TRPM3: variants seen among roughly 807,000 people sequenced by gnomAD.
The protein encoded by TRPM3 is long transient receptor potential channel 3.
In TRPM3, 77 loss-of-function variants were observed where a neutral mutation model predicts 181.2. That is an observed-to-expected ratio of 0.42 (90% CI 0.35 to 0.51). TRPM3 has a LOEUF of 0.51. TRPM3 is among the 20% of genes least tolerant of loss of function. The pLI is 0.01. For synonymous variants in TRPM3, 745 were observed against 796.4 expected, an observed-to-expected ratio of 0.94 and a Z score of 1.09; for missense variants, 1,759 against 2,196.7, an observed-to-expected ratio of 0.80 and a Z score of 3.98.
chr9:70,618,485 A>AGGAG (rs1422071046), intron 17 of TRPM3, among the ~76,000 whole-genome samples: 57 of 152,334 alleles, frequency 3.7e-4, no homozygotes, highest in African/African-American at 1.3e-3. Flanking sequence ...CATGATGCCA[A>AGGAG]GGAGGGCCAG....
chr9:71,202,211 C>T (rs545359730), intron 1 of TRPM3, among the ~76,000 whole-genome samples: 7 of 152,234 alleles, frequency 4.6e-5, no homozygotes, highest in Non-Finnish European at 1.0e-4. Context: ...GAGGAGTACC[C>T]GGCCATGTGA....
Position 70,536,108 on chromosome 9 carries a change from T to A in TRPM3, c.5005A>T (p.Ser1669Cys), listed in dbSNP as rs768982135. The A allele has an allele frequency of 6.2e-7, 1 of 1,614,230 alleles. No homozygotes were observed. The highest frequency in any genetic ancestry group is 8.5e-7 in the Non-Finnish European group (1 of 1,180,032). Residue 1669 changes from serine (S) to cysteine (C), a missense_variant, in exon 26 of 26, where the codon AGT becomes TGT. Physicochemically the swap from Ser to Cys is moderately radical, Grantham distance 112. Transcript: ENST00000677713. ...YAHTRKSFSI[S>C]DKLDRQRNTA... ...TTCCGCTGCCTGTCGAGTTTGTCAC[T>A]GATGGAGAAGCTCTTCCTGGTGTGT...
At chr9:70,544,595 T>C (rs1441768287) in intron 25 of TRPM3, among the ~76,000 whole-genome samples, 1 of 152,086 alleles carries the variant, frequency 6.6e-6, no homozygotes. Flanking sequence ...ACCTGATCTG[T>C]GCTTGTGAGC....
At chr9:70,628,873 C>G (rs951852690) in intron 12 of TRPM3, among the ~76,000 whole-genome samples, 1 of 147,220 alleles carries the variant, frequency 6.8e-6, no homozygotes, top group Non-Finnish European at 1.5e-5. Context: ...AGCCTAACAC[C>G]TATGTATTTT....
intron 7 of TRPM3, among the ~76,000 whole-genome samples, chr9:70,765,231 G>A (rs1196662075): frequency 2.0e-5 from 3 of 152,150 alleles, no homozygotes; most frequent in East Asian, 3.9e-4. Flanking sequence ...TTCCTAATCC[G>A]TATCAGGGAT....
chr9:71,437,285 A>G (rs544763815), intron 1 of TRPM3, among the ~76,000 whole-genome samples: 53 of 152,374 alleles, frequency 3.5e-4, no homozygotes, highest in African/African-American at 1.2e-3. Flanking sequence ...TGCAATGCCC[A>G]AATAAAATAA....
intron 1 of TRPM3, among the ~76,000 whole-genome samples, chr9:71,058,754 T>C (rs750005430): frequency 2.0e-5 from 3 of 152,036 alleles, no homozygotes; most frequent in Non-Finnish European, 2.9e-5. Flanking sequence ...TAACATGCTA[T>C]GTAAATAAGC....
At chr9:70,607,097 A>G (rs1385791637) in intron 19 of TRPM3, among the ~76,000 whole-genome samples, 5 of 152,202 alleles carry the variant, frequency 3.3e-5, no homozygotes, top group African/African-American at 1.2e-4. Context: ...AGCAGGGTCT[A>G]GGAGCCAGTT....
At chr9:70,867,055 A>C (rs1346618879) in intron 1 of TRPM3, among the ~76,000 whole-genome samples, 1 of 152,050 alleles carries the variant, frequency 6.6e-6, no homozygotes, top group Non-Finnish European at 1.5e-5. Context: ...GCATTTGGAC[A>C]GAGCTGGCTC....
chr9:71,155,689 T>C (rs1014955907), intron 1 of TRPM3, among the ~76,000 whole-genome samples: 2 of 151,948 alleles, frequency 1.3e-5, no homozygotes, highest in African/African-American at 4.8e-5. Flanking sequence ...TACATACATC[T>C]ACAAGATAGA....
intron 7 of TRPM3, among the ~76,000 whole-genome samples, chr9:70,781,708 G>A (rs562360703): frequency 6.6e-6 from 1 of 152,076 alleles, no homozygotes; most frequent in Admixed American, 6.6e-5. Context: ...TGGACAAAGC[G>A]CTTAATTTAA....
chr9:70,612,303 G>A (rs949685176), intron 18 of TRPM3, among the ~76,000 whole-genome samples: 17 of 152,194 alleles, frequency 1.1e-4, no homozygotes, highest in African/African-American at 3.4e-4. Context: ...TATTACATGT[G>A]AAGACAGGGT....
intron 1 of TRPM3, among the ~76,000 whole-genome samples, chr9:71,038,680 C>G (rs2058487647): frequency 6.6e-6 from 1 of 152,084 alleles, no homozygotes; most frequent in Admixed American, 6.6e-5. Flanking sequence ...GTGTTAGAAG[C>G]CAGGGATACA....
rs76136548 is a variant in TRPM3 at position 71,121,334 on chromosome 9, G to C, written c.21C>G (p.Thr7=). The change falls in exon 1 of 26, where the codon ACC becomes ACG. Residue 7 remains threonine, a synonymous_variant. Transcript: ENST00000677713. ...CCTGAGCAATGCCTAGAAAATAAACGGTCCCCCACGGCTCTGGCATCCCAT... is the reference window on the plus strand; with the variant it reads ...CCTGAGCAATGCCTAGAAAATAAACCGTCCCCCACGGCTCTGGCATCCCAT... MPEPWG[T]VYFLGIAQVF... 1.2e-6 allele frequency: 2 copies of C among 1,613,744 alleles called. No homozygotes were observed. The highest frequency in any genetic ancestry group is 1.1e-5 in the South Asian group (1 of 91,048).
At chr9:71,310,000 G>A (rs2087761897) in intron 1 of TRPM3, among the ~76,000 whole-genome samples, 1 of 152,064 alleles carries the variant, frequency 6.6e-6, no homozygotes, top group Admixed American at 6.6e-5. Context: ...TGAAACAGGT[G>A]TAACATATTA....
intron 1 of TRPM3, among the ~76,000 whole-genome samples, chr9:71,109,634 T>C (rs1333283527): frequency 6.6e-6 from 1 of 152,192 alleles, no homozygotes; most frequent in Non-Finnish European, 1.5e-5. Context: ...TTTCATTCTT[T>C]TTGTAGTCAA....
intron 9 of TRPM3, among the ~76,000 whole-genome samples, chr9:70,663,253 G>A (rs111833574): frequency 1.7e-3 from 256 of 152,206 alleles, no homozygotes; most frequent in African/African-American, 5.9e-3. Context: ...GGTTGGGAGT[G>A]GGGTGAGGGA....
chr9:71,033,170 G>A (rs772755195), intron 1 of TRPM3, among the ~76,000 whole-genome samples: 8 of 152,204 alleles, frequency 5.3e-5, no homozygotes, highest in Non-Finnish European at 1.0e-4. Context: ...AGCCCTTAAA[G>A]CAAAAGGAAA....
chr9:70,816,421 G>C (rs1297578477), intron 6 of TRPM3, among the ~76,000 whole-genome samples: 1 of 152,218 alleles, frequency 6.6e-6, no homozygotes, highest in East Asian at 1.9e-4. Flanking sequence ...CTCCTAAAAT[G>C]TTTCAACAGA....
Sources: allele counts gnomAD v4.1 joint callset (sites outside exome capture counted in the v4.1 genomes callset), GRCh38; gene constraint gnomAD v4.1.1; transcripts MANE v1.5; gene names NCBI Gene and HGNC (gene_info 2026-07-23, HGNC 2026-07-21).